Variants in PIR observed in about 807,000 individuals in gnomAD.
The protein encoded by PIR is pirin, also known as pirin (iron-binding nuclear protein).
Under a neutral mutation model 24.2 loss-of-function variants are expected in PIR, and 22 were observed. The ratio of observed to expected loss-of-function variants is 0.91; its 90% CI spans 0.65 to 1.30. The LOEUF (loss-of-function observed/expected upper bound fraction) is 1.30. Ranked by LOEUF, PIR falls within the 50% of genes most tolerant of loss-of-function variation. The pLI is 0.00. For synonymous variants in PIR, 80 were observed against 79.6 expected (o/e 1.00, Z -0.03); for missense variants, 220 against 220.3 (o/e 1.00, Z 0.01).
chrX:15,424,075 T>C (rs781293493), intron 6 of PIR, among the ~76,000 whole-genome samples: 5 of 112,490 alleles, frequency 4.4e-5, no homozygotes, highest in African/African-American at 1.6e-4. Flanking sequence ...TGGGTACCTA[T>C]TTAAAAGAAA....
At position 15,418,572 on chromosome X, in the gene PIR, G is replaced by A. The variant is rs1013745376; in HGVS notation, c.565+7334C>T. Among the ~76,000 whole-genome samples the A allele has an allele frequency of 4.5e-5, 5 of 112,139 alleles. No individual in the cohort carries two copies. The East Asian group carries it at 8.3e-4, about 19-fold the overall frequency. ...TTAGATTCTTTGTAAGTGATGCACC[G>A]TCCAGCTCAATTCCTGATATCAACT... is the stretch of plus-strand genomic sequence containing the variant. On this transcript the variant is annotated intron_variant, in intron 6 of 9. Coordinates refer to ENST00000380420, the MANE Select transcript of PIR (RefSeq NM_001018109.3).
At position 15,411,383 on chromosome X, in the gene PIR, A is replaced by G. The variant is rs908357315; in HGVS notation, c.566-3833T>C. On this transcript the variant is annotated intron_variant, in intron 6 of 9. Transcript: ENST00000380420. ...TCCAGAGAGGCTCCTAATTCTTGCA[A>G]ACGTCCCTAGTGAGAGCTTTCCTCA... Among the ~76,000 whole-genome samples the G allele has an allele frequency of 3.6e-5, 4 of 111,777 alleles. No homozygotes were observed. In the South Asian group the frequency reaches 1.1e-3, roughly 31 times the overall value.
chrX:15,430,653 T>C (rs889477907), intron 5 of PIR, among the ~76,000 whole-genome samples: 2 of 111,662 alleles, frequency 1.8e-5, no homozygotes, highest in African/African-American at 3.3e-5. Context: ...ACTACCTTCA[T>C]CTTATGTCCT....
chrX:15,465,537 CAA>C (rs1293515440), intron 3 of PIR, among the ~76,000 whole-genome samples: 4 of 112,149 alleles, frequency 3.6e-5, no homozygotes, highest in African/African-American at 1.3e-4. Flanking sequence ...TGTTTAAACT[CAA>C]GAGTTGCATG....
chrX:15,480,471 T>C (rs1922445391), intron 2 of PIR, among the ~76,000 whole-genome samples: 1 of 112,128 alleles, frequency 8.9e-6, no homozygotes, highest in South Asian at 3.6e-4. Flanking sequence ...ATAAACAAGA[T>C]GTATTCTGTA....
rs369679766 is a variant in PIR at position 15,398,660 on chromosome X, AGGAG to A, written c.611-1133_611-1130del. ...ATCTGTATAAAATTGACAGCCCTTG[AGGAG>A]GGAGGGTGTGTGTGTGTGTGTGTGT... On this transcript the variant is annotated intron_variant, in intron 7 of 9. Coordinates refer to ENST00000380420, the MANE Select transcript of PIR (RefSeq NM_001018109.3). 3.5e-3 allele frequency among the ~76,000 whole-genome samples: 280 copies of A among 80,836 alleles called. 16 individuals are homozygous for A. The highest frequency in any genetic ancestry group is 6.4e-3 in the African/African-American group (135 of 20,949). 70.2% of individuals were successfully genotyped at this position (80,836 alleles called of 115,157 possible). A position where few individuals can be genotyped will look rare whatever the true frequency, so the allele number is the denominator to read the frequency against.
At chrX:15,399,951 T>C (rs370756166) in intron 7 of PIR, among the ~76,000 whole-genome samples, 43 of 111,621 alleles carry the variant, frequency 3.9e-4, no homozygotes, top group African/African-American at 1.3e-3. Context: ...GGATAATGTT[T>C]AACAGTTGGC....
At chrX:15,423,688 A>G (rs186553287) in intron 6 of PIR, among the ~76,000 whole-genome samples, 10 of 111,888 alleles carry the variant, frequency 8.9e-5, no homozygotes, top group Admixed American at 1.9e-4. Context: ...CTGACAAGGG[A>G]TGAATAACCA....
intron 6 of PIR, among the ~76,000 whole-genome samples, chrX:15,420,620 C>T (rs1003564893): frequency 1.8e-5 from 2 of 111,488 alleles, no homozygotes; most frequent in East Asian, 5.6e-4. Flanking sequence ...AAGTGAATTC[C>T]CATTGATAGA....
intron 5 of PIR, among the ~76,000 whole-genome samples, chrX:15,431,671 A>ACCC (rs144106667): frequency 1.2e-3 from 90 of 77,293 alleles, no homozygotes; most frequent in East Asian, 3.2e-3. Flanking sequence ...AAAAATAACC[A>ACCC]CCCCCCCCCC....
intron 9 of PIR, among the ~76,000 whole-genome samples, chrX:15,385,565 A>G (rs1923716710): frequency 1.8e-5 from 2 of 112,339 alleles, no homozygotes; most frequent in Admixed American, 1.9e-4. Flanking sequence ...TGAGGATTCT[A>G]AGTCATTTTT....
intron 5 of PIR, among the ~76,000 whole-genome samples, chrX:15,432,100 C>T (rs1211515320): frequency 9.1e-6 from 1 of 110,232 alleles, no homozygotes; most frequent in East Asian, 2.8e-4. Context: ...TAGTATGTAC[C>T]AGGCACTATT....
In PIR at chrX:15,488,608, A is replaced by G. The variant is rs1010516269; in HGVS notation, c.96+2554T>C. On this transcript the variant is annotated intron_variant, in intron 2 of 9. Coordinates refer to ENST00000380420, the MANE Select transcript of PIR (RefSeq NM_001018109.3). The stretch of plus-strand genomic sequence containing the variant: ...ATTGGAACATAAAATTGTTTGTTCT[A>G]TATAATCCCATGATGTAAAATATAC... 3.6e-5 allele frequency among the ~76,000 whole-genome samples: 4 copies of G among 112,225 alleles called. No individual in the cohort carries two copies. The South Asian group carries it at 1.5e-3, about 41-fold the overall frequency.
intron 5 of PIR, among the ~76,000 whole-genome samples, chrX:15,445,081 TAA>T (rs1926043707): frequency 2.8e-5 from 3 of 108,760 alleles, no homozygotes; most frequent in Non-Finnish European, 5.7e-5. Flanking sequence ...AACTAGAGAA[TAA>T]CACGTGGGGG....
intron 8 of PIR, among the ~76,000 whole-genome samples, chrX:15,393,398 CTATAAA>C (rs1343959001): frequency 4.5e-5 from 5 of 111,705 alleles, no homozygotes; most frequent in African/African-American, 1.6e-4. Context: ...GTTTGATCAA[CTATAAA>C]TATAAAACTC....
At chrX:15,459,359 T>C (rs1921204783) in intron 4 of PIR, among the ~76,000 whole-genome samples, 1 of 111,144 alleles carries the variant, frequency 9.0e-6, no homozygotes, top group Non-Finnish European at 1.9e-5. Flanking sequence ...TCTCAGTAAG[T>C]ACAAAACGAA....
intron 5 of PIR, among the ~76,000 whole-genome samples, chrX:15,454,019 A>C (rs1920996691): frequency 9.0e-6 from 1 of 111,533 alleles, no homozygotes; most frequent in South Asian, 3.8e-4. Context: ...CCATCTCACT[A>C]TCCCCTAAAG....
chrX:15,450,770 A>G (rs775524690), intron 5 of PIR, among the ~76,000 whole-genome samples: 2 of 112,349 alleles, frequency 1.8e-5, no homozygotes, highest in Non-Finnish European at 3.8e-5. Flanking sequence ...ATTCCCCTAA[A>G]AGCCACATAA....
intron 2 of PIR, among the ~76,000 whole-genome samples, chrX:15,480,302 T>C (rs887305462): frequency 2.3e-4 from 26 of 111,089 alleles, no homozygotes; most frequent in Admixed American, 1.3e-3. Context: ...CTTTTGTAAA[T>C]TGCCCAGTTT....
Sources: allele counts gnomAD v4.1 joint callset (sites outside exome capture counted in the v4.1 genomes callset), GRCh38; gene constraint gnomAD v4.1.1; transcripts MANE v1.5; gene names NCBI Gene and HGNC (gene_info 2026-07-23, HGNC 2026-07-21).